Variants in DTNB observed in about 807,000 individuals in gnomAD.
The protein encoded by DTNB is DTN-B.
DTNB carries 63 observed loss-of-function variants against 90.7 expected under a neutral mutation model. That is an observed-to-expected ratio of 0.69 (90% CI 0.57 to 0.86). The LOEUF is 0.86. Among genes scored for constraint, DTNB ranks in the 40% least tolerant of loss-of-function variants. The pLI, the probability that DTNB is intolerant of heterozygous loss-of-function variation, is 0.00. For synonymous variants in DTNB, 277 were observed against 286.7 expected (o/e 0.97, Z 0.34); for missense variants, 744 against 807.1 (o/e 0.92, Z 0.95).
intron 8 of DTNB, among the ~76,000 whole-genome samples, chr2:25,568,503 C>T (rs902423038): frequency 6.6e-6 from 1 of 151,830 alleles, no homozygotes; most frequent in Non-Finnish European, 1.5e-5. Context: ...CAATTATATA[C>T]CCAAAATACT....
intron 16 of DTNB, among the ~76,000 whole-genome samples, chr2:25,392,547 A>T (rs1246923189): frequency 6.6e-6 from 1 of 152,250 alleles, no homozygotes; most frequent in African/African-American, 2.4e-5. Flanking sequence ...AAGCTCAAAT[A>T]GAAACGAAAC....
chr2:25,466,546 G>A (rs1042287275), intron 10 of DTNB, among the ~76,000 whole-genome samples: 3 of 152,174 alleles, frequency 2.0e-5, no homozygotes, highest in African/African-American at 7.2e-5. Flanking sequence ...AGAACGCAGG[G>A]GAGCTCCTGT....
Position 25,388,336 on chromosome 2 carries a change from G to T in DTNB, c.1601C>A (p.Thr534Lys), listed in dbSNP as rs1181284830. 1.9e-6 allele frequency: 3 copies of T among 1,612,380 alleles called. No homozygotes were observed. Among genetic ancestry groups the T allele is most frequent in the Non-Finnish European group, 2.5e-6 (3 of 1,178,770 alleles). ...CCGGCCGCCTCCATGGGTGGGCGAT[G>T]TATGTGGTGACCCTGTGGCCTGAGC... ...QAAQATGSPHTSPTHGGGRPM... is the reference protein window; with the variant it reads ...QAAQATGSPHKSPTHGGGRPM... The change falls in exon 17 of 21, where the codon ACA becomes AAA. Residue 534 changes from threonine (T) to lysine (K), a missense_variant. By Grantham distance (78) the Thr-to-Lys change is moderately conservative (BLOSUM62 -1). Transcript: ENST00000406818.
chr2:25,637,875 T>C (rs2077429614), intron 3 of DTNB, among the ~76,000 whole-genome samples: 1 of 152,164 alleles, frequency 6.6e-6, no homozygotes, highest in African/African-American at 2.4e-5. Flanking sequence ...ACCCAAAGGA[T>C]TATAAATCAG....
intron 5 of DTNB, among the ~76,000 whole-genome samples, chr2:25,599,703 T>G (rs774053917): frequency 2.0e-5 from 3 of 152,104 alleles, no homozygotes; most frequent in Non-Finnish European, 4.4e-5. Context: ...TGACCACAGT[T>G]CTAGACTGCA....
chr2:25,559,616 G>A (rs1056280025), intron 8 of DTNB, among the ~76,000 whole-genome samples: 3 of 152,168 alleles, frequency 2.0e-5, no homozygotes, highest in Non-Finnish European at 2.9e-5. Flanking sequence ...TGATCGTAGT[G>A]GGATGAATGA....
intron 19 of DTNB, among the ~76,000 whole-genome samples, chr2:25,380,955 C>G (rs759789448): frequency 6.6e-6 from 1 of 152,244 alleles, no homozygotes; most frequent in Non-Finnish European, 1.5e-5. Flanking sequence ...CCATGTGAGG[C>G]ATGGCCCACA....
intron 17 of DTNB, 95 bp downstream of exon 17, chr2:25,388,107 A>G: frequency 3.3e-6 from 5 of 1,511,148 alleles, no homozygotes; most frequent in Non-Finnish European, 4.4e-6. Flanking sequence ...CCAAGCAAAG[A>G]GCACAAAACA....
chr2:25,462,848 C>T (rs1391771948), intron 10 of DTNB, among the ~76,000 whole-genome samples: 6 of 152,104 alleles, frequency 3.9e-5, no homozygotes, highest in East Asian at 1.9e-4. Context: ...GGACTACAGG[C>T]GCCCGCCACC....
intron 2 of DTNB, among the ~76,000 whole-genome samples, chr2:25,640,399 G>C (rs1388492915): frequency 6.6e-6 from 1 of 152,058 alleles, no homozygotes; most frequent in African/African-American, 2.4e-5. Context: ...GGGGGGTGGA[G>C]GGGGTTAAAG....
chr2:25,466,414 C>T (rs1385119160), intron 10 of DTNB, among the ~76,000 whole-genome samples: 1 of 152,182 alleles, frequency 6.6e-6, no homozygotes, highest in African/African-American at 2.4e-5. Flanking sequence ...AGTGACAAAG[C>T]TTGACCCTGA....
chr2:25,535,953 T>G (rs1478053770), intron 8 of DTNB, among the ~76,000 whole-genome samples: 3 of 78,382 alleles, frequency 3.8e-5, no homozygotes, highest in Admixed American at 1.6e-4. Flanking sequence ...TCCTCCCAGA[T>G]GGGGCAGCCG....
intron 15 of DTNB, among the ~76,000 whole-genome samples, chr2:25,423,613 A>G (rs2050522954): frequency 2.0e-5 from 3 of 152,154 alleles, no homozygotes. Context: ...ATTAAATGCT[A>G]GCATACTGAA....
intron 16 of DTNB, among the ~76,000 whole-genome samples, chr2:25,408,500 C>A (rs1344002762): frequency 1.3e-4 from 17 of 127,854 alleles, no homozygotes; most frequent in Non-Finnish European, 1.5e-5. Flanking sequence ...GATCACACCA[C>A]TGCACTCCAG....
At chr2:25,597,434 C>T (rs1260055191) in intron 5 of DTNB, among the ~76,000 whole-genome samples, 2 of 151,944 alleles carry the variant, frequency 1.3e-5, no homozygotes, top group African/African-American at 2.4e-5. Flanking sequence ...ATGTAATATA[C>T]ATACATGCAT....
At chr2:25,590,227 G>T (rs142287010) in intron 6 of DTNB, among the ~76,000 whole-genome samples, 16 of 152,260 alleles carry the variant, frequency 1.1e-4, no homozygotes, top group Admixed American at 4.6e-4. Flanking sequence ...TCTTCTTCTT[G>T]TTGCCCACAA....
At chr2:25,634,562 G>C (rs1303371326) in intron 3 of DTNB, among the ~76,000 whole-genome samples, 4 of 142,272 alleles carry the variant, frequency 2.8e-5, no homozygotes, top group Admixed American at 2.8e-4. Flanking sequence ...GGTGTGCCCA[G>C]CAGCTCATTG....
At chr2:25,516,571 C>T (rs1011884216) in intron 9 of DTNB, among the ~76,000 whole-genome samples, 1 of 149,470 alleles carries the variant, frequency 6.7e-6, no homozygotes, top group Non-Finnish European at 1.5e-5. Context: ...CTTTAGAAAA[C>T]AGTTTGGCAG....
At chr2:25,446,686 T>C (rs1048147326) in intron 12 of DTNB, among the ~76,000 whole-genome samples, 2 of 152,238 alleles carry the variant, frequency 1.3e-5, no homozygotes, top group African/African-American at 4.8e-5. Context: ...TATCTTTGTA[T>C]TCTGTAGTTT....
Sources: gnomAD v4.1 joint callset for allele counts (sites outside exome capture counted in the v4.1 genomes callset) on GRCh38, gnomAD v4.1.1 for gene constraint, MANE v1.5 for transcripts, NCBI Gene and HGNC (gene_info 2026-07-23, HGNC 2026-07-21) for gene names.